NFYC: variants seen among roughly 807,000 people sequenced by gnomAD.
NFYC encodes CAAT box DNA-binding protein subunit C.
NFYC carries 25 observed loss-of-function variants against 53.1 expected under a neutral mutation model. The observed-to-expected ratio is 0.47, with a 90% CI of 0.34 to 0.66. NFYC has a LOEUF of 0.66. Ranked by LOEUF, NFYC falls within the 30% of genes least tolerant of loss-of-function variation. The pLI is 0.01. For synonymous variants in NFYC, 145 were observed against 152.6 expected, an observed-to-expected ratio of 0.95 and a Z score of 0.37; for missense variants, 260 against 422.7, an observed-to-expected ratio of 0.62 and a Z score of 3.38.
intron 7 of NFYC, 141 bp downstream of exon 7, chr1:40,763,187 T>C: frequency 1.4e-6 from 1 of 690,930 alleles, no homozygotes; most frequent in South Asian, 2.2e-5. Flanking sequence ...TTGATATATA[T>C]ATCTATAGCT....
chr1:40,697,093 TCTTAA>T (rs1243249549), intron 1 of NFYC, among the ~76,000 whole-genome samples: 2 of 152,232 alleles, frequency 1.3e-5, no homozygotes, highest in African/African-American at 2.4e-5. Context: ...TGGAGCAGGT[TCTTAA>T]CTTGTTTCTT....
intron 1 of NFYC, among the ~76,000 whole-genome samples, chr1:40,728,466 G>A (rs1644620333): frequency 6.6e-6 from 1 of 151,696 alleles, no homozygotes; most frequent in Admixed American, 6.6e-5. Context: ...GCGTGGTGGC[G>A]CATGCCTGCC....
intron 1 of NFYC, among the ~76,000 whole-genome samples, chr1:40,694,614 T>C (rs2148396540): frequency 6.6e-6 from 1 of 152,306 alleles, no homozygotes; most frequent in South Asian, 2.1e-4. Flanking sequence ...TTAGTAAGAC[T>C]AGACAAGGTG....
intron 1 of NFYC, among the ~76,000 whole-genome samples, chr1:40,738,197 C>T (rs1010882955): frequency 7.2e-5 from 11 of 152,136 alleles, no homozygotes; most frequent in Admixed American, 2.0e-4. Flanking sequence ...CCACCGCGCC[C>T]GGCCCTCTCT....
At position 40,770,566 on chromosome 1, in the gene NFYC, G is replaced by A; in HGVS notation, c.889-143G>A. On this transcript the variant is annotated intron_variant, in intron 9 of 9. Coordinates refer to ENST00000447388, the MANE Select transcript of NFYC (RefSeq NM_014223.5). The surrounding 1 kb of genome is among the most constrained non-coding windows in gnomAD (Gnocchi z 5.3). ...GTCTGCTGCTCCCAACCCCAGCAGA[G>A]CTCCACTTCCCCTCCTCCTTCTGAC... is the stretch of plus-strand genomic sequence containing the variant. 1.3e-6 allele frequency: 2 copies of A among 1,599,808 alleles called. No homozygotes were observed. Among genetic ancestry groups the A allele is most frequent in the African/African-American group, 1.3e-5 (1 of 74,614 alleles).
chr1:40,707,882 C>T (rs969663513), intron 1 of NFYC, among the ~76,000 whole-genome samples: 13 of 149,194 alleles, frequency 8.7e-5, no homozygotes, highest in Non-Finnish European at 1.8e-4. Context: ...AAAGAAATAA[C>T]GAATTTATCC....
At chr1:40,728,765 G>A (rs1644634746) in intron 1 of NFYC, among the ~76,000 whole-genome samples, 1 of 151,994 alleles carries the variant, frequency 6.6e-6, no homozygotes, top group African/African-American at 2.4e-5. Context: ...AGCCTCTTGA[G>A]TAGCTGGGAT....
chr1:40,741,009 G>C (rs773171880), intron 2 of NFYC, among the ~76,000 whole-genome samples: 1 of 151,402 alleles, frequency 6.6e-6, no homozygotes, highest in Non-Finnish European at 1.5e-5. Flanking sequence ...GAAGTGTTAA[G>C]TATAATCACA....
intron 1 of NFYC, chr1:40,712,658 C>CTTTTTTTTTTTTTTT (rs3081775): frequency 2.8e-5 from 2 of 71,024 alleles, no homozygotes; most frequent in Non-Finnish European, 2.4e-5. Context: ...GGATTAATGC[C>CTTTTTTTTTTTTTTT]TTTTTTTTTT....
At chr1:40,738,774 A>T (rs1174322741) in intron 1 of NFYC, 62 bp from the exon 2 acceptor site, 4 of 1,218,092 alleles carry the variant, frequency 3.3e-6, no homozygotes, top group Non-Finnish European at 4.8e-6. Context: ...CAAATGCCTA[A>T]TCTGGACAGA....
At chr1:40,769,731 G>C (rs1646991929) in intron 9 of NFYC, among the ~76,000 whole-genome samples, 1 of 152,124 alleles carries the variant, frequency 6.6e-6, no homozygotes, top group Admixed American at 6.5e-5. Flanking sequence ...CTAGAGAGCA[G>C]GTTTCCTGTT....
chr1:40,765,691 G>A (rs1197143655), intron 7 of NFYC, among the ~76,000 whole-genome samples: 2 of 152,170 alleles, frequency 1.3e-5, no homozygotes, highest in African/African-American at 4.8e-5. Flanking sequence ...TAAATTGAGG[G>A]TGTGAATGTC....
chr1:40,700,753 C>T (rs906918207), intron 1 of NFYC, among the ~76,000 whole-genome samples: 4 of 152,056 alleles, frequency 2.6e-5, no homozygotes, highest in Admixed American at 2.6e-4. Context: ...AATAAATGGA[C>T]GTTAAGGAGA....
intron 2 of NFYC, among the ~76,000 whole-genome samples, chr1:40,742,192 T>C (rs1310823322): frequency 1.3e-5 from 2 of 151,878 alleles, no homozygotes; most frequent in African/African-American, 4.8e-5. Flanking sequence ...ATTACAGACA[T>C]GAGCCATCAT....
chr1:40,703,982 C>T (rs1320331119), intron 1 of NFYC, among the ~76,000 whole-genome samples: 4 of 152,168 alleles, frequency 2.6e-5, no homozygotes, highest in Admixed American at 1.3e-4. Flanking sequence ...AAATCATTCT[C>T]CCAACCAAGA....
chr1:40,733,008 G>GCCC (rs749788691), intron 1 of NFYC, among the ~76,000 whole-genome samples: 9 of 53,332 alleles, frequency 1.7e-4, no homozygotes, highest in East Asian at 8.4e-4. Flanking sequence ...TCCAAGATTC[G>GCCC]CCCCCCCCCC....
chr1:40,762,813 C>T, intron 6 of NFYC, 75 bp from the exon 7 acceptor site: 7 of 1,374,168 alleles, frequency 5.1e-6, no homozygotes, highest in Non-Finnish European at 6.7e-6. Context: ...GCACATTGCT[C>T]GTTATTAACC....
Position 40,743,342 on chromosome 1 carries a change from C to A in NFYC, c.106-4192C>A, listed in dbSNP as rs867481067. Among the ~76,000 whole-genome samples, 7 of 152,218 alleles carry A rather than the reference C, an allele frequency of 4.6e-5. No homozygotes were observed. In the South Asian group the frequency reaches 8.3e-4, roughly 18 times the overall value. The stretch of plus-strand genomic sequence containing the variant: ...TGCACCAGAGTGATTGTGTAAAACC[C>A]TATATTCCCGCACAGCAGAGCTCTG... On this transcript the variant is annotated intron_variant, in intron 2 of 9. Coordinates refer to ENST00000447388, the MANE Select transcript of NFYC (RefSeq NM_014223.5).
At chr1:40,754,425 T>C (rs756374506) in intron 5 of NFYC, 10 of 534,174 alleles carry the variant, frequency 1.9e-5, no homozygotes, top group South Asian at 1.4e-4. Context: ...TTCAGTCGGA[T>C]GTTTACAGCG....
Sources: allele counts gnomAD v4.1 joint callset (sites outside exome capture counted in the v4.1 genomes callset), GRCh38; gene constraint gnomAD v4.1.1; non-coding constraint Gnocchi (gnomAD v3.1); transcripts MANE v1.5; gene names NCBI Gene and HGNC (gene_info 2026-07-23, HGNC 2026-07-21).